The following NDUFAF7 variants were observed in gnomAD, a reference collection of about 807,000 sequenced individuals.
The protein encoded by NDUFAF7 is NADH:ubiquinone oxidoreductase complex assembly factor 7.
Under a neutral mutation model 47.2 loss-of-function variants are expected in NDUFAF7, and 48 were observed. The ratio of observed to expected loss-of-function variants is 1.02; its 90% confidence interval spans 0.81 to 1.29. The LOEUF (loss-of-function observed/expected upper bound fraction) is 1.29. NDUFAF7 is among the 50% of genes most tolerant of loss of function. The pLI, the probability that NDUFAF7 is intolerant of heterozygous loss-of-function variation, is 0.00. For missense variants in NDUFAF7, 635 were observed against 537.6 expected (o/e 1.18, Z -1.79); for synonymous variants, 217 against 190.0 (o/e 1.14, Z -1.17).
chr2:37,253,268 C>T (rs779962811), downstream of NDUFAF7: 10 of 1,612,712 alleles, frequency 6.2e-6, no homozygotes, highest in East Asian at 2.2e-5. Context: ...TATTTCCCAG[C>T]GAGCATCATC....
chr2:37,261,153 C>T, the NDUFAF7 span, among the ~76,000 whole-genome samples: 2 of 152,176 alleles, frequency 1.3e-5, no homozygotes, highest in Non-Finnish European at 2.9e-5. Flanking sequence ...ATATGTTCTA[C>T]TGAATGAACC....
chr2:37,237,323 T>C (rs909509953), intron 3 of NDUFAF7, among the ~76,000 whole-genome samples: 2 of 152,244 alleles, frequency 1.3e-5, no homozygotes, highest in Non-Finnish European at 2.9e-5. Context: ...GTACCTTCTA[T>C]GAATTTAGAA....
chr2:37,240,228 A>G (rs948153358), intron 4 of NDUFAF7, among the ~76,000 whole-genome samples: 2 of 152,148 alleles, frequency 1.3e-5, no homozygotes, highest in African/African-American at 4.8e-5. Context: ...CAGCTTGGGC[A>G]ATACGGTGAA....
In NDUFAF7 at chr2:37,236,304, T is replaced by C. The variant is rs569022897; in HGVS notation, c.297+128T>C. On this transcript the variant is annotated intron_variant, in intron 3 of 9. Transcript: ENST00000002125. ...ATCAAAAGTTTTAACTTTATAGTAG[T>C]TTATGTACTGAGGGAATAGAGAGGC... 5 of 815,736 alleles carry C rather than the reference T, an allele frequency of 6.1e-6. No individual in the cohort carries two copies. In the African/African-American group the frequency reaches 8.5e-5, roughly 14 times the overall value. The allele number at this position is 815,736 out of a possible 1,614,324, so 50.5% of individuals were successfully genotyped here.
At chr2:37,244,973 G>A (rs1666754618) in intron 7 of NDUFAF7, among the ~76,000 whole-genome samples, 1 of 152,208 alleles carries the variant, frequency 6.6e-6, no homozygotes, top group African/African-American at 2.4e-5. Flanking sequence ...GGTAATACAT[G>A]TCATCTTGAA....
chr2:37,239,347 G>C (rs936399468), intron 4 of NDUFAF7, among the ~76,000 whole-genome samples: 1 of 152,060 alleles, frequency 6.6e-6, no homozygotes, highest in African/African-American at 2.4e-5. Flanking sequence ...TTGAACTCTT[G>C]GCTTGAAGTG....
At chr2:37,261,276 C>T in the NDUFAF7 span, among the ~76,000 whole-genome samples, 1 of 151,654 alleles carries the variant, frequency 6.6e-6, no homozygotes, top group Non-Finnish European at 1.5e-5. Flanking sequence ...CATTTGAGGT[C>T]AGGAGTTCGA....
chr2:37,236,330 A>C (rs1178920052), intron 3 of NDUFAF7, among the ~76,000 whole-genome samples, 154 bp downstream of exon 3: 1 of 152,180 alleles, frequency 6.6e-6, no homozygotes, highest in Non-Finnish European at 1.5e-5. Context: ...ATAGAGAGGC[A>C]GTAGAGGGGA....
the NDUFAF7 span, among the ~76,000 whole-genome samples, chr2:37,261,953 A>T: frequency 2.6e-5 from 4 of 152,202 alleles, no homozygotes; most frequent in Non-Finnish European, 5.9e-5. Context: ...GATATTCAAC[A>T]CATTAGTGTA....
At chr2:37,242,093 C>T (rs1666411329) in intron 5 of NDUFAF7, 1 of 403,720 alleles carries the variant, frequency 2.5e-6, no homozygotes, top group Non-Finnish European at 4.5e-6. Context: ...CAGCCCAAGG[C>T]AGCTGGGGCT....
At chr2:37,252,009 T>C (rs1021831744), downstream of NDUFAF7, 14 of 152,236 alleles carry the variant, frequency 9.2e-5, no homozygotes, top group Admixed American at 2.6e-4. Flanking sequence ...AGCTGGCTGC[T>C]GGAGCTGAAA....
At chr2:37,249,596 CACACACA>C (rs1179169735), downstream of NDUFAF7, among the ~76,000 whole-genome samples, 297 of 103,634 alleles carry the variant, frequency 2.9e-3, 1 homozygote, top group South Asian at 9.4e-3. Context: ...CACACACACA[CACACACA>C]GAGGGGAGAT....
At chr2:37,249,643 G>GAGACACACACACACACACACAC (rs1553361382), downstream of NDUFAF7, among the ~76,000 whole-genome samples, 1 of 132,524 alleles carries the variant, frequency 7.5e-6, no homozygotes, top group East Asian at 2.3e-4. Flanking sequence ...CTGTGATAGA[G>GAGACACACACACACACACACAC]ACACACACAC....
At chr2:37,240,992 A>C (rs528472150) in intron 4 of NDUFAF7, among the ~76,000 whole-genome samples, 4 of 152,358 alleles carry the variant, frequency 2.6e-5, no homozygotes, top group Admixed American at 2.6e-4. Context: ...ATGAAAAATA[A>C]TGTTGATACA....
In NDUFAF7 at chr2:37,243,882, G is replaced by A. The variant is rs143139724; in HGVS notation, c.701G>A (p.Arg234Gln). The stretch of plus-strand genomic sequence containing the variant: ...GTTTAGAAAACACCACAGGGATGGC[G>A]AGAAGTATTTGTTGACATTGATCCA... ...HKFQKTPQGW[R>Q]EVFVDIDPQV... Residue 234 changes from arginine (R) to glutamine (Q), a missense_variant, in exon 7 of 10, where the codon CGA becomes CAA. By Grantham distance (43) the Arg-to-Gln change is conservative. Transcript: ENST00000002125. 65 of 1,613,888 alleles carry A rather than the reference G, an allele frequency of 4.0e-5. No individual in the cohort carries two copies. Among genetic ancestry groups the A allele is most frequent in the African/African-American group, 3.9e-4 (29 of 74,910 alleles).
downstream of NDUFAF7, chr2:37,254,255 C>A (rs374375446): frequency 6.4e-5 from 104 of 1,613,372 alleles, 1 homozygote; most frequent in Non-Finnish European, 8.2e-5. Flanking sequence ...GTTTTCTCAT[C>A]TTCACTTGAA....
downstream of NDUFAF7, chr2:37,250,928 C>G (rs1335946642): frequency 1.3e-5 from 2 of 152,662 alleles, no homozygotes; most frequent in Admixed American, 6.5e-5. Flanking sequence ...TCCAGATTCT[C>G]TGACAGTGCC....
At chr2:37,259,903 G>A in the NDUFAF7 span, among the ~76,000 whole-genome samples, 3 of 152,168 alleles carry the variant, frequency 2.0e-5, no homozygotes, top group African/African-American at 7.2e-5. Flanking sequence ...AGTGGCTCAT[G>A]CCTGTAATCC....
At chr2:37,257,073 T>TA, downstream of NDUFAF7, 1 of 960,326 alleles carries the variant, frequency 1.0e-6, no homozygotes, top group Non-Finnish European at 1.5e-6. Flanking sequence ...AAGGAAATTG[T>TA]AAAATATCCT....
Sources: gnomAD v4.1 joint callset for allele counts (sites outside exome capture counted in the v4.1 genomes callset) on GRCh38, gnomAD v4.1.1 for gene constraint, MANE v1.5 for transcripts, NCBI Gene and HGNC (gene_info 2026-07-23, HGNC 2026-07-21) for gene names.